The following RNF216 variants were observed in gnomAD, a reference collection of about 807,000 sequenced individuals.
RNF216 encodes the protein E3 ubiquitin-protein ligase RNF216.
A neutral mutation model predicts 110.8 loss-of-function variants in RNF216; 72 were observed. That is an observed-to-expected ratio of 0.65 (90% CI 0.54 to 0.79). The LOEUF (loss-of-function observed/expected upper bound fraction) is 0.79. RNF216 is among the 30% of genes least tolerant of loss of function. The pLI is 0.00. For missense variants in RNF216, 1,342 were observed against 1,141.2 expected (o/e 1.18, Z -2.54); for synonymous variants, 495 against 407.5 (o/e 1.21, Z -2.59).
chr7:5,766,019 T>C (rs979682535), intron 1 of RNF216, among the ~76,000 whole-genome samples: 4 of 151,110 alleles, frequency 2.6e-5, no homozygotes, highest in Non-Finnish European at 4.4e-5. Context: ...GGCTCACACT[T>C]GTAATCCAGG....
chr7:5,626,085 A>C (rs1268873101), intron 15 of RNF216, among the ~76,000 whole-genome samples: 1 of 152,334 alleles, frequency 6.6e-6, no homozygotes, highest in Non-Finnish European at 1.5e-5. Context: ...AAGAGTTGCA[A>C]AGTGCCCAAG....
At chr7:5,660,104 G>T (rs908264144) in intron 13 of RNF216, among the ~76,000 whole-genome samples, 2 of 151,028 alleles carry the variant, frequency 1.3e-5, no homozygotes, top group Admixed American at 1.3e-4. Flanking sequence ...ATGAACACGT[G>T]CCACCACAGC....
intron 1 of RNF216, among the ~76,000 whole-genome samples, chr7:5,776,706 C>T (rs962734222): frequency 6.6e-6 from 1 of 150,970 alleles, no homozygotes; most frequent in African/African-American, 2.4e-5. Flanking sequence ...TGGGTTTATC[C>T]TTTAAAAGCA....
rs916917285 is a variant in RNF216 at position 5,652,299 on chromosome 7, G to C, written c.2159+114C>G. On this transcript the variant is annotated intron_variant, in intron 14 of 16. Transcript: ENST00000389902. ...AGATTACTTCCCCAAGATCACTCCA[G>C]ACTGGGGTGGCTCAAGCGTGTTCTT... 6 of 745,270 alleles carry C rather than the reference G, an allele frequency of 8.1e-6. No homozygotes were observed. In the African/African-American group the frequency reaches 8.6e-5, roughly 11 times the overall value. The allele number at this position is 745,270 out of a possible 1,614,324, so 46.2% of individuals were successfully genotyped here.
intron 13 of RNF216, among the ~76,000 whole-genome samples, chr7:5,664,844 G>A (rs1176843816): frequency 6.6e-6 from 1 of 152,080 alleles, no homozygotes. Context: ...TGCCCAGGCT[G>A]GAGTGCAATG....
In RNF216 at chr7:5,753,116, G is replaced by A. The variant is rs115221976; in HGVS notation, c.68-137C>T. 2.9e-4 allele frequency: 220 copies of A among 763,036 alleles called. No individual in the cohort carries two copies. In the African/African-American group the frequency reaches 3.9e-3, roughly 13 times the overall value. The allele number at this position is 763,036 out of a possible 1,614,324, so 47.3% of individuals were successfully genotyped here. ...TAACGTACCTCCTCAAGCAGCCCGT[G>A]CACTTAAGCATTAAGAGCCATGTTT... On this transcript the variant is annotated intron_variant, in intron 2 of 16. Coordinates refer to ENST00000389902, the MANE Select transcript of RNF216 (RefSeq NM_207111.4).
chr7:5,759,246 C>T (rs1037713759), intron 2 of RNF216, among the ~76,000 whole-genome samples: 1 of 152,138 alleles, frequency 6.6e-6, no homozygotes, highest in African/African-American at 2.4e-5. Flanking sequence ...CCTATACAGC[C>T]TACAGAATTG....
chr7:5,711,820 G>A lies in RNF216; in HGVS notation c.2002C>T (p.Pro668Ser), dbSNP rs1584493274. ...TTCACATCACTGTCCAACAGAGCCG[G>A]AAAGCTACAGGACGGGCACCTAGAG... ...ELVRCPSCSFPALLDSDVKRF... is the reference protein window; with the variant it reads ...ELVRCPSCSFSALLDSDVKRF... The change falls in exon 13 of 17, where the codon CCG (proline) becomes TCG (serine). Residue 668 changes from proline (P) to serine (S), a missense_variant. Transcript: ENST00000389902. 6 of 1,613,968 alleles carry A rather than the reference G, an allele frequency of 3.7e-6. No homozygotes were observed. Among genetic ancestry groups the A allele is most frequent in the Non-Finnish European group, 5.1e-6 (6 of 1,179,950 alleles).
At chr7:5,764,362 T>C (rs1293585038) in intron 1 of RNF216, among the ~76,000 whole-genome samples, 1 of 151,628 alleles carries the variant, frequency 6.6e-6, no homozygotes, top group Non-Finnish European at 1.5e-5. Context: ...AAATAGACTC[T>C]TCAGGCTGGG....
At position 5,660,943 on chromosome 7, in the gene RNF216, G is replaced by GTTTTTTTTTTTT. The variant is rs1168463360; in HGVS notation, c.2062-8445_2062-8434dup. ...TAGCTCCATGCTCCTGAAGCCTTAGGTTTTTTTTTTTTTTTTTTTTTTTTT... is the reference window on the plus strand; with the variant it reads ...TAGCTCCATGCTCCTGAAGCCTTAGGTTTTTTTTTTTTTTTTTTTTTTTTTTTTTTTTTTTTT... On this transcript the variant is annotated intron_variant, in intron 13 of 16. Transcript: ENST00000389902. 4.4e-4 allele frequency among the ~76,000 whole-genome samples: 40 copies of GTTTTTTTTTTTT among 90,148 alleles called. 2 individuals are homozygous for GTTTTTTTTTTTT. Among genetic ancestry groups the GTTTTTTTTTTTT allele is most frequent in the African/African-American group, 1.7e-3 (31 of 18,270 alleles). The allele number at this position is 90,148 out of a possible 152,430, so 59.1% of individuals were successfully genotyped here.
chr7:5,708,490 C>G (rs1251129516), intron 13 of RNF216, among the ~76,000 whole-genome samples: 2 of 152,152 alleles, frequency 1.3e-5, no homozygotes, highest in African/African-American at 4.8e-5. Context: ...GATACACATT[C>G]AGTAGAAACT....
chr7:5,714,992 TG>T, intron 11 of RNF216, 60 bp downstream of exon 11: 1 of 1,481,750 alleles, frequency 6.7e-7, no homozygotes, highest in Non-Finnish European at 9.1e-7. Context: ...TCTATCAACA[TG>T]GTCTCCTTAG....
chr7:5,693,912 C>T (rs890351800), intron 13 of RNF216, among the ~76,000 whole-genome samples: 3 of 152,030 alleles, frequency 2.0e-5, no homozygotes, highest in Non-Finnish European at 2.9e-5. Context: ...AATGACACAA[C>T]GAAAATTAAT....
intron 8 of RNF216, among the ~76,000 whole-genome samples, chr7:5,724,974 T>G (rs1793659124): frequency 6.6e-6 from 1 of 152,194 alleles, no homozygotes; most frequent in African/African-American, 2.4e-5. Context: ...CATTCATAAG[T>G]CTGGGTAGTT....
intron 1 of RNF216, among the ~76,000 whole-genome samples, chr7:5,762,077 T>C (rs1195612774): frequency 4.6e-5 from 7 of 152,124 alleles, no homozygotes; most frequent in African/African-American, 1.7e-4. Context: ...ATAAAAGCAA[T>C]TGGAAATGAC....
At chr7:5,772,625 AC>A (rs1179273036) in intron 1 of RNF216, among the ~76,000 whole-genome samples, 1 of 152,188 alleles carries the variant, frequency 6.6e-6, no homozygotes, top group African/African-American at 2.4e-5. Flanking sequence ...TTAAATGTCT[AC>A]AAAGAGTTAA....
chr7:5,750,768 A>C (rs1347012242), intron 3 of RNF216, among the ~76,000 whole-genome samples: 1 of 152,150 alleles, frequency 6.6e-6, no homozygotes, highest in African/African-American at 2.4e-5. Flanking sequence ...ATCTTTCCTT[A>C]CTTATGCCTC....
Position 5,680,085 on chromosome 7 carries a change from G to A in RNF216, c.2062-27575C>T, listed in dbSNP as rs1352799734. 6.6e-6 allele frequency among the ~76,000 whole-genome samples: 1 copy of A among 152,136 alleles called. No individual in the cohort carries two copies. The highest frequency in any genetic ancestry group is 1.9e-4 in the East Asian group (1 of 5,186). On this transcript the variant is annotated intron_variant, in intron 13 of 16. Coordinates refer to ENST00000389902, the MANE Select transcript of RNF216 (RefSeq NM_207111.4). This position sits in a 1 kb window ranked among gnomAD's most constrained non-coding sequence, Gnocchi z 4.3. The stretch of plus-strand genomic sequence containing the variant: ...TTTAATGACCATGGATAGACTTCCT[G>A]CTGCAATCAGGAAGAAGTCCACGTT...
At chr7:5,679,846 G>A (rs73062700) in intron 13 of RNF216, among the ~76,000 whole-genome samples, 15 of 152,260 alleles carry the variant, frequency 9.9e-5, no homozygotes, top group Non-Finnish European at 1.3e-4. Context: ...TGCTCCTCCA[G>A]GTCCCTCACC....
Sources: gnomAD v4.1 joint callset for allele counts (sites outside exome capture counted in the v4.1 genomes callset) on GRCh38, gnomAD v4.1.1 for gene constraint, Gnocchi (gnomAD v3.1) non-coding constraint, MANE v1.5 for transcripts, NCBI Gene and HGNC (gene_info 2026-07-23, HGNC 2026-07-21) for gene names.